ANXA3: variants seen among roughly 807,000 people sequenced by gnomAD.
The protein encoded by ANXA3 is 35-alpha calcimedin.
Under a neutral mutation model 48.8 loss-of-function variants are expected in ANXA3, and 46 were observed. That is an observed-to-expected ratio of 0.94 (90% CI 0.74 to 1.21). ANXA3 has a LOEUF of 1.21. ANXA3 is among the 50% of genes most tolerant of loss of function. ANXA3 has a pLI of 0.00. For missense variants in ANXA3, 383 were observed against 378.6 expected (o/e 1.01, Z -0.10); for synonymous variants, 128 against 134.7 (o/e 0.95, Z 0.35).
chr4:78,605,616 T>C (rs1723630358), intron 12 of ANXA3, among the ~76,000 whole-genome samples: 1 of 152,184 alleles, frequency 6.6e-6, no homozygotes, highest in African/African-American at 2.4e-5. Context: ...TTTATCAATC[T>C]TTCACAGTAT....
At chr4:78,591,675 A>G in intron 7 of ANXA3, 52 bp downstream of exon 7, 15 of 1,315,658 alleles carry the variant, frequency 1.1e-5, no homozygotes, top group Non-Finnish European at 1.5e-5. Flanking sequence ...CATGCTCAAT[A>G]ACAATTTTTA....
chr4:78,572,690 G>C (rs190289381), intron 2 of ANXA3, among the ~76,000 whole-genome samples: 1 of 152,282 alleles, frequency 6.6e-6, no homozygotes, highest in Admixed American at 6.5e-5. Context: ...TTCTCAAAAG[G>C]CCAACTGTAG....
intron 2 of ANXA3, among the ~76,000 whole-genome samples, chr4:78,563,018 A>G (rs1722655625): frequency 6.6e-6 from 1 of 152,162 alleles, no homozygotes; most frequent in African/African-American, 2.4e-5. Context: ...ATGGTACTTT[A>G]TTATCCTCCA....
At chr4:78,594,319 G>A (rs1441341287) in intron 7 of ANXA3, among the ~76,000 whole-genome samples, 1 of 152,006 alleles carries the variant, frequency 6.6e-6, no homozygotes, top group East Asian at 1.9e-4. Flanking sequence ...TCCAAGTTTG[G>A]CAATTATAAA....
intron 10 of ANXA3, 121 bp from the exon 11 acceptor site, chr4:78,601,389 T>G: frequency 1.2e-6 from 1 of 807,438 alleles, no homozygotes; most frequent in African/African-American, 1.7e-5. Flanking sequence ...AAAAGCCAGT[T>G]GTGGGGAGGG....
Position 78,610,344 on chromosome 4 carries a change from AACT to A in ANXA3, c.*234_*236del. The A allele has an allele frequency of 2.9e-6, 1 of 340,848 alleles. No homozygotes were observed. The highest frequency in any genetic ancestry group is 5.3e-6 in the Non-Finnish European group (1 of 188,096). The allele number at this position is 340,848 out of a possible 1,614,324, so 21.1% of individuals were successfully genotyped here. ...ATTGAAAATGGTATTAAAGATCTGC[AACT>A]ACTATCCAACTTATATTTCTGCTTT... On this transcript the variant is annotated 3_prime_UTR_variant, in exon 13 of 13. Transcript: ENST00000264908.
chr4:78,558,606 G>T (rs1054223193), intron 2 of ANXA3, among the ~76,000 whole-genome samples: 1 of 152,194 alleles, frequency 6.6e-6, no homozygotes, highest in Non-Finnish European at 1.5e-5. Context: ...TGAAAGAATG[G>T]CTGGTTTCTT....
intron 10 of ANXA3, 28 bp from the exon 11 acceptor site, chr4:78,601,482 G>A (rs370924166): frequency 1.1e-5 from 17 of 1,610,052 alleles, no homozygotes; most frequent in Middle Eastern, 1.7e-4. Context: ...ATTCCGTGAA[G>A]CTGAACATTA....
chr4:78,566,156 T>A (rs556932617), intron 2 of ANXA3, among the ~76,000 whole-genome samples: 2 of 152,240 alleles, frequency 1.3e-5, no homozygotes, highest in East Asian at 1.9e-4. Context: ...GAGTGACACA[T>A]GCTCCAAGGG....
At chr4:78,586,771 G>A (rs1254045163) in intron 6 of ANXA3, among the ~76,000 whole-genome samples, 1 of 152,232 alleles carries the variant, frequency 6.6e-6, no homozygotes, top group Non-Finnish European at 1.5e-5. Flanking sequence ...TTCAATAGAA[G>A]TAGCTAAAGA....
intron 6 of ANXA3, among the ~76,000 whole-genome samples, chr4:78,591,084 TC>T (rs1483428007): frequency 6.6e-6 from 1 of 152,218 alleles, no homozygotes; most frequent in East Asian, 1.9e-4. Context: ...TTGTCTGCCT[TC>T]ATTTCATTGT....
At chr4:78,601,742 C>T (rs1578404720) in intron 11 of ANXA3, 174 bp downstream of exon 11, 1 of 497,522 alleles carries the variant, frequency 2.0e-6, no homozygotes, top group Admixed American at 3.6e-5. Context: ...TACACAGACA[C>T]CTGATTTTCT....
At chr4:78,593,328 T>A (rs1460792515) in intron 7 of ANXA3, among the ~76,000 whole-genome samples, 2 of 151,786 alleles carry the variant, frequency 1.3e-5, no homozygotes, top group East Asian at 3.9e-4. Context: ...TCAGCCTCCC[T>A]AGCAGCTGGG....
intron 2 of ANXA3, among the ~76,000 whole-genome samples, chr4:78,557,733 T>C (rs1029746051): frequency 6.6e-6 from 1 of 150,782 alleles, no homozygotes; most frequent in African/African-American, 2.4e-5. Context: ...CTCCCTCAAT[T>C]AAAGAACTAA....
At chr4:78,557,384 G>A (rs913100501) in intron 2 of ANXA3, among the ~76,000 whole-genome samples, 3 of 152,130 alleles carry the variant, frequency 2.0e-5, no homozygotes, top group East Asian at 1.9e-4. Context: ...TGGATAACAC[G>A]GGCTAATCCC....
At chr4:78,595,676 G>A (rs1189629928) in intron 8 of ANXA3, 118 bp from the exon 9 acceptor site, 2 of 765,966 alleles carry the variant, frequency 2.6e-6, no homozygotes, top group Non-Finnish European at 4.3e-6. Context: ...TCTTCTGAAA[G>A]TGAGAGATTT....
rs1488715545 is a variant in ANXA3, at chr4:78,573,256, T to C, written c.92T>C (p.Ile31Thr). 3.1e-6 allele frequency: 5 copies of C among 1,610,256 alleles called. No homozygotes were observed. The African/African-American group carries it at 6.7e-5, about 22-fold the overall frequency. ...GATGCTGAAGCTATTCAGAAAGCAA[T>C]CAGAGGAATTGGTGAGTGATATTTT... ...SVDAEAIQKA[I>T]RGIGTDEKML... The change falls in exon 3 of 13, where the codon ATC (isoleucine) becomes ACC (threonine). Residue 31 changes from isoleucine (I) to threonine (T), a missense_variant. By Grantham distance (89) the Ile-to-Thr change is moderately conservative. Coordinates refer to ENST00000264908, the MANE Select transcript of ANXA3 (RefSeq NM_005139.3).
At chr4:78,594,813 T>C (rs2109945068) in intron 7 of ANXA3, among the ~76,000 whole-genome samples, 1 of 152,336 alleles carries the variant, frequency 6.6e-6, no homozygotes, top group African/African-American at 2.4e-5. Flanking sequence ...TCTCCCAGTT[T>C]GTACCTTGTC....
chr4:78,575,867 T>C (rs1168105746), intron 3 of ANXA3, among the ~76,000 whole-genome samples: 2 of 152,214 alleles, frequency 1.3e-5, no homozygotes, highest in African/African-American at 2.4e-5. Context: ...CGTATTATGA[T>C]CTTAAATCTA....
Sources: allele counts gnomAD v4.1 joint callset (sites outside exome capture counted in the v4.1 genomes callset), GRCh38; gene constraint gnomAD v4.1.1; transcripts MANE v1.5; gene names NCBI Gene and HGNC (gene_info 2026-07-23, HGNC 2026-07-21).